AGTPBP1: variants seen among roughly 807,000 people sequenced by gnomAD.
The protein encoded by AGTPBP1 is ATP/GTP binding carboxypeptidase 1.
A neutral mutation model predicts 143.9 loss-of-function variants in AGTPBP1; 70 were observed. The ratio of observed to expected loss-of-function variants is 0.49; its 90% confidence interval spans 0.40 to 0.59. The LOEUF is 0.59. Among genes scored for constraint, AGTPBP1 ranks in the 20% least tolerant of loss-of-function variants. The pLI is 0.00. For missense variants in AGTPBP1, 1,229 were observed against 1,464.5 expected (o/e 0.84, Z 2.62); for synonymous variants, 463 against 500.2 (o/e 0.93, Z 0.99).
intron 10 of AGTPBP1, among the ~76,000 whole-genome samples, chr9:85,657,171 A>C (rs199811998): frequency 1.4e-5 from 1 of 72,684 alleles, no homozygotes; most frequent in Non-Finnish European, 2.4e-5. Flanking sequence ...CCTAAAACTT[A>C]AAAGTATAAT....
At chr9:85,742,245 G>A (rs941362896), upstream of AGTPBP1, among the ~76,000 whole-genome samples, 10 of 152,136 alleles carry the variant, frequency 6.6e-5, no homozygotes, top group East Asian at 1.9e-4. Flanking sequence ...AGCAGCCCCG[G>A]CCACCGCCCC....
chr9:85,762,358 C>T, the AGTPBP1 span, among the ~76,000 whole-genome samples: 2 of 152,090 alleles, frequency 1.3e-5, no homozygotes, highest in Admixed American at 1.3e-4. Flanking sequence ...ATAGCAAAGA[C>T]TTGGAACCAA....
intron 17 of AGTPBP1, among the ~76,000 whole-genome samples, chr9:85,613,887 T>A (rs1463090376): frequency 6.6e-6 from 1 of 152,036 alleles, no homozygotes; most frequent in African/African-American, 2.4e-5. Context: ...TCATAAAAGA[T>A]CAATTCACAC....
chr9:85,769,360 A>G, the AGTPBP1 span, among the ~76,000 whole-genome samples: 17 of 152,092 alleles, frequency 1.1e-4, no homozygotes, highest in Non-Finnish European at 2.5e-4. Context: ...ATAGATTTGT[A>G]TCACCAACAT....
chr9:85,751,154 A>G, the AGTPBP1 span, among the ~76,000 whole-genome samples: 94 of 152,258 alleles, frequency 6.2e-4, no homozygotes, highest in African/African-American at 2.2e-3. Context: ...TTTCTGGACC[A>G]AAACTCAGAC....
At chr9:85,584,635 C>T (rs1463806324) in intron 23 of AGTPBP1, among the ~76,000 whole-genome samples, 3 of 151,912 alleles carry the variant, frequency 2.0e-5, no homozygotes, top group Non-Finnish European at 2.9e-5. Context: ...TACATGTAAT[C>T]CTTTGTAGAA....
chr9:85,585,531 T>G lies in AGTPBP1; in HGVS notation c.3097A>C (p.Lys1033Gln), dbSNP rs1353499716. ...TCATTGGTATGCCACACTGTCTCTT[T>G]GATGCTGCAACCATACATAAATACA... ...KNVFMYGCSI[K>Q]ETVWHTNDNA... Residue 1033 changes from lysine to glutamine, a missense_variant, in exon 23 of 26, where the codon AAA becomes CAA. Lys to Gln is a moderately conservative substitution (Grantham distance 53). Around this residue, in one of 2 missense-constraint regions of AGTPBP1, gnomAD observed 486 missense variants for 652.3 expected, o/e 0.75. Coordinates refer to ENST00000357081, the MANE Select transcript of AGTPBP1 (RefSeq NM_001330701.2). 2 of 1,611,810 alleles carry G rather than the reference T, an allele frequency of 1.2e-6. No homozygotes were observed. The highest frequency in any genetic ancestry group is 2.2e-5 in the South Asian group (2 of 90,690).
chr9:85,705,204 G>A, intron 2 of AGTPBP1, among the ~76,000 whole-genome samples: 1 of 147,962 alleles, frequency 6.8e-6, no homozygotes, highest in African/African-American at 2.5e-5. Flanking sequence ...TAAACTAAAG[G>A]CACAAGAAAC....
At chr9:85,776,686 A>G in the AGTPBP1 span, among the ~76,000 whole-genome samples, 7 of 152,214 alleles carry the variant, frequency 4.6e-5, no homozygotes, top group Non-Finnish European at 1.0e-4. Flanking sequence ...AATGGTAGGT[A>G]GAGCCCAAAG....
the AGTPBP1 span, among the ~76,000 whole-genome samples, chr9:85,780,632 C>CA: frequency 8.4e-3 from 1,273 of 150,732 alleles, 20 homozygotes; most frequent in African/African-American, 0.029. Flanking sequence ...GTAGCTACTG[C>CA]AAAAAAAATC....
intron 3 of AGTPBP1, among the ~76,000 whole-genome samples, chr9:85,690,016 C>T (rs1010561117): frequency 6.8e-6 from 1 of 147,174 alleles, no homozygotes; most frequent in African/African-American, 2.5e-5. Flanking sequence ...GTACACATTG[C>T]CAGATTATTT....
chr9:85,568,587 G>A (rs1176937288), intron 25 of AGTPBP1, among the ~76,000 whole-genome samples: 2 of 152,110 alleles, frequency 1.3e-5, no homozygotes, highest in South Asian at 2.1e-4. Context: ...GCACACGAGT[G>A]ACTAGTGCAT....
chr9:85,728,034 C>G (rs200147613), intron 1 of AGTPBP1, among the ~76,000 whole-genome samples: 1 of 106,946 alleles, frequency 9.4e-6, no homozygotes, highest in African/African-American at 5.0e-5. Context: ...TTTATATACA[C>G]ACACACACAC....
intron 3 of AGTPBP1, among the ~76,000 whole-genome samples, chr9:85,687,577 A>G (rs1835559568): frequency 6.6e-6 from 1 of 152,178 alleles, no homozygotes; most frequent in Non-Finnish European, 1.5e-5. Flanking sequence ...GAATTCCTGA[A>G]ATATTGGGAA....
At position 85,547,228 on chromosome 9, in the gene AGTPBP1, T is replaced by C. The variant is rs1825784327; in HGVS notation, c.3562A>G (p.Ser1188Gly). 2 of 1,613,466 alleles carry C rather than the reference T, an allele frequency of 1.2e-6. No homozygotes were observed. The highest frequency in any genetic ancestry group is 1.7e-6 in the Non-Finnish European group (2 of 1,179,798). ...TCTAACTCATCATTACTTTCTGCAC[T>C]GTAATCAACTTCTTCAAGGAATCGA... ...EPRFLEEVDY[S>G]AESNDELDIE... The change falls in exon 26 of 26, where the codon AGT becomes GGT. Residue 1188 changes from serine (S) to glycine (G), a missense_variant. Around this residue, in one of 2 missense-constraint regions of AGTPBP1, gnomAD observed 486 missense variants for 652.3 expected, o/e 0.75. Transcript: ENST00000357081.
chr9:85,788,651 C>G, the AGTPBP1 span, among the ~76,000 whole-genome samples: 2,378 of 149,058 alleles, frequency 0.016, 67 homozygotes, highest in African/African-American at 0.054. Flanking sequence ...TATATAAACA[C>G]TTGTATATAT....
At chr9:85,601,197 G>C (rs1829646262) in intron 17 of AGTPBP1, among the ~76,000 whole-genome samples, 1 of 152,160 alleles carries the variant, frequency 6.6e-6, no homozygotes, top group East Asian at 1.9e-4. Flanking sequence ...CTAGCAGCAG[G>C]GCTGAGGTGC....
intron 2 of AGTPBP1, among the ~76,000 whole-genome samples, chr9:85,701,488 C>T (rs1168418765): frequency 6.6e-6 from 1 of 152,120 alleles, no homozygotes; most frequent in Admixed American, 6.6e-5. Flanking sequence ...CCTCAGTCTC[C>T]CAAAGTGCTG....
chr9:85,660,011 C>G (rs1480380160), intron 9 of AGTPBP1, among the ~76,000 whole-genome samples: 1 of 151,662 alleles, frequency 6.6e-6, no homozygotes, highest in Admixed American at 6.6e-5. Context: ...CTACTAATAC[C>G]TAAGGTGATT....
Sources: allele counts gnomAD v4.1 joint callset (sites outside exome capture counted in the v4.1 genomes callset), GRCh38; gene constraint gnomAD v4.1.1; regional missense constraint gnomAD v4.1.1; transcripts MANE v1.5; gene names NCBI Gene and HGNC (gene_info 2026-07-23, HGNC 2026-07-21).